The following UNC5D variants were observed in gnomAD, a reference collection of about 807,000 sequenced individuals.
UNC5D encodes the protein netrin receptor UNC5D.
A neutral mutation model predicts 105.4 loss-of-function variants in UNC5D; 39 were observed. The ratio of observed to expected loss-of-function variants is 0.37; its 90% confidence interval spans 0.29 to 0.48. The LOEUF (loss-of-function observed/expected upper bound fraction) is 0.48, where lower values mean the gene tolerates loss of function less well. Ranked by LOEUF, UNC5D falls within the 20% of genes least tolerant of loss-of-function variation. The pLI is 0.98. For missense variants in UNC5D, 991 were observed against 1,202.4 expected, an observed-to-expected ratio of 0.82 and a Z score of 2.60; for synonymous variants, 452 against 450.4, an observed-to-expected ratio of 1.00 and a Z score of -0.04.
At position 35,497,324 on chromosome 8, in the gene UNC5D, G is replaced by T. The variant is rs142135985; in HGVS notation, c.104-51968G>T. ...TTATGACCCTCAGAAAGTCAGAAAA[G>T]CTTTCCTAGGTTATTAGACCTGCTT... On this transcript the variant is annotated intron_variant, in intron 1 of 16. Transcript: ENST00000404895. 5.3e-5 allele frequency among the ~76,000 whole-genome samples: 8 copies of T among 152,260 alleles called. 1 individual carries two copies. The highest frequency in any genetic ancestry group is 1.7e-4 in the African/African-American group (7 of 41,554).
intron 11 of UNC5D, among the ~76,000 whole-genome samples, chr8:35,740,300 C>T (rs185640597): frequency 2.0e-5 from 3 of 152,210 alleles, no homozygotes; most frequent in East Asian, 1.9e-4. Flanking sequence ...ATCTAATGTA[C>T]GGGTCCTTAG....
intron 1 of UNC5D, among the ~76,000 whole-genome samples, chr8:35,346,445 C>T (rs1244274322): frequency 6.6e-6 from 1 of 151,924 alleles, no homozygotes; most frequent in Non-Finnish European, 1.5e-5. Context: ...TGTTTCAATA[C>T]ATGGTTGCAC....
At chr8:35,320,658 A>C (rs1186839644) in intron 1 of UNC5D, among the ~76,000 whole-genome samples, 1 of 152,132 alleles carries the variant, frequency 6.6e-6, no homozygotes, top group Admixed American at 6.6e-5. Context: ...TATTGCTACA[A>C]AGACTCTGTT....
intron 1 of UNC5D, among the ~76,000 whole-genome samples, chr8:35,336,962 C>A (rs901388132): frequency 1.3e-5 from 2 of 152,060 alleles, no homozygotes; most frequent in South Asian, 4.2e-4. Flanking sequence ...TATCTTATAA[C>A]CCTGAAATAA....
intron 4 of UNC5D, among the ~76,000 whole-genome samples, chr8:35,598,560 G>A (rs1586213904): frequency 6.6e-6 from 1 of 152,134 alleles, no homozygotes; most frequent in African/African-American, 2.4e-5. Flanking sequence ...TATATACAAA[G>A]CAAATGAAAT....
chr8:35,598,286 G>GA (rs1819617582), intron 4 of UNC5D, among the ~76,000 whole-genome samples: 1 of 152,136 alleles, frequency 6.6e-6, no homozygotes, highest in Non-Finnish European at 1.5e-5. Context: ...CTACCCCACT[G>GA]AAACTTAAAT....
intron 1 of UNC5D, among the ~76,000 whole-genome samples, chr8:35,333,218 G>A (rs1810762153): frequency 6.6e-6 from 1 of 152,090 alleles, no homozygotes; most frequent in Non-Finnish European, 1.5e-5. Context: ...CTACTCAGCA[G>A]GTTGAGGCAG....
chr8:35,664,236 A>G (rs985186195), intron 4 of UNC5D, among the ~76,000 whole-genome samples: 4 of 152,214 alleles, frequency 2.6e-5, no homozygotes, highest in African/African-American at 9.6e-5. Flanking sequence ...CACTATTTTC[A>G]TTGATGATGA....
At chr8:35,610,588 C>T (rs1820607419) in intron 4 of UNC5D, among the ~76,000 whole-genome samples, 1 of 152,106 alleles carries the variant, frequency 6.6e-6, no homozygotes, top group African/African-American at 2.4e-5. Flanking sequence ...TTGATGCTAT[C>T]CTAGGAGATC....
chr8:35,662,821 A>G (rs796563024), intron 4 of UNC5D, among the ~76,000 whole-genome samples: 10 of 152,244 alleles, frequency 6.6e-5, no homozygotes, highest in African/African-American at 2.4e-4. Flanking sequence ...CCAGTTAGGT[A>G]CTGGGCCCCA....
intron 3 of UNC5D, among the ~76,000 whole-genome samples, chr8:35,574,004 G>A (rs182050871): frequency 6.4e-4 from 97 of 152,264 alleles, no homozygotes; most frequent in African/African-American, 2.1e-3. Flanking sequence ...GCCTCCTCTC[G>A]TTTGTCTGGT....
At chr8:35,578,248 GAAAAA>G (rs1335213254) in intron 3 of UNC5D, among the ~76,000 whole-genome samples, 2 of 106,528 alleles carry the variant, frequency 1.9e-5, no homozygotes, top group Non-Finnish European at 3.9e-5. Context: ...AAAAAAGAAA[GAAAAA>G]AGAAAAACTC....
chr8:35,324,681 G>T lies in UNC5D; in HGVS notation c.103+88794G>T, dbSNP rs191791460. On this transcript the variant is annotated intron_variant, in intron 1 of 16. Coordinates refer to ENST00000404895, the MANE Select transcript of UNC5D (RefSeq NM_080872.4). Reference sequence around the variant, plus strand: ...ATCTCAAAACTAATATTCAGCATGAGATGACCATGTTGCTAAATAAAAATG... The same window carrying T: ...ATCTCAAAACTAATATTCAGCATGATATGACCATGTTGCTAAATAAAAATG... Among the ~76,000 whole-genome samples the T allele has an allele frequency of 1.2e-4, 18 of 152,274 alleles. No individual in the cohort carries two copies. In the East Asian group the frequency reaches 3.3e-3, roughly 28 times the overall value.
intron 7 of UNC5D, among the ~76,000 whole-genome samples, chr8:35,693,379 T>C (rs565801344): frequency 6.6e-6 from 1 of 152,314 alleles, no homozygotes; most frequent in East Asian, 1.9e-4. Flanking sequence ...TTTTATGCCT[T>C]GTTAATAAAA....
intron 1 of UNC5D, among the ~76,000 whole-genome samples, chr8:35,285,408 A>AG (rs1222807990): frequency 1.3e-5 from 2 of 152,202 alleles, no homozygotes; most frequent in East Asian, 3.9e-4. Flanking sequence ...TTTGTTTAGA[A>AG]GTAGTAATTG....
intron 1 of UNC5D, among the ~76,000 whole-genome samples, chr8:35,484,652 A>C (rs1810715334): frequency 6.6e-6 from 1 of 152,198 alleles, no homozygotes; most frequent in African/African-American, 2.4e-5. Flanking sequence ...AGACCGAGAC[A>C]TAGCATGACT....
chr8:35,387,471 C>T (rs546599902), intron 1 of UNC5D, among the ~76,000 whole-genome samples: 1 of 152,110 alleles, frequency 6.6e-6, no homozygotes, highest in Admixed American at 6.5e-5. Context: ...AAACTTCCCT[C>T]CTTTGTCTCC....
At chr8:35,312,158 A>T (rs1291729582) in intron 1 of UNC5D, among the ~76,000 whole-genome samples, 1 of 152,188 alleles carries the variant, frequency 6.6e-6, no homozygotes, top group African/African-American at 2.4e-5. Flanking sequence ...ACCATAAATC[A>T]TTGTGATGCC....
rs915741968 is a variant in UNC5D at position 35,235,717 on chromosome 8, C to T, written c.-68C>T. 4.6e-5 allele frequency: 53 copies of T among 1,161,642 alleles called. No homozygotes were observed. Among genetic ancestry groups the T allele is most frequent in the Non-Finnish European group, 5.4e-5 (50 of 924,676 alleles). 72.0% of individuals were successfully genotyped at this position (1,161,642 alleles called of 1,614,324 possible). A position where few individuals can be genotyped will look rare whatever the true frequency, so the allele number is the denominator to read the frequency against. On this transcript the variant is annotated 5_prime_UTR_variant, in exon 1 of 17. Transcript: ENST00000404895. ...CGAGACCCATTCGACTCGGGACCCT[C>T]ATCGCCGACCCTTTCCCGGGCTCCC...
Sources: gnomAD v4.1 joint callset for allele counts (sites outside exome capture counted in the v4.1 genomes callset) on GRCh38, gnomAD v4.1.1 for gene constraint, MANE v1.5 for transcripts, NCBI Gene and HGNC (gene_info 2026-07-23, HGNC 2026-07-21) for gene names.